Variants in PLD5 observed in about 807,000 individuals in gnomAD.
The protein encoded by PLD5 is phospholipase D family member 5.
In PLD5, 36 loss-of-function variants were observed where a neutral mutation model predicts 61.1. The observed-to-expected ratio is 0.59, with a 90% CI of 0.45 to 0.78. The LOEUF (loss-of-function observed/expected upper bound fraction) is 0.78, where lower values mean the gene tolerates loss of function less well. Among genes scored for constraint, PLD5 ranks in the 30% least tolerant of loss-of-function variants. The pLI is 0.00. For synonymous variants in PLD5, 243 were observed against 242.8 expected (o/e 1.00, Z -0.01); for missense variants, 515 against 644.4 (o/e 0.80, Z 2.17).
At chr1:242,440,597 T>C (rs1490511411) in intron 1 of PLD5, among the ~76,000 whole-genome samples, 1 of 152,226 alleles carries the variant, frequency 6.6e-6, no homozygotes, top group Non-Finnish European at 1.5e-5. Flanking sequence ...CAAAATTGTA[T>C]AGAGTGTCCT....
chr1:242,482,268 G>C (rs1437108285), intron 1 of PLD5, among the ~76,000 whole-genome samples: 2 of 152,106 alleles, frequency 1.3e-5, no homozygotes, highest in Non-Finnish European at 2.9e-5. Flanking sequence ...CCAACCTAAA[G>C]GAGCAAGTTC....
intron 2 of PLD5, among the ~76,000 whole-genome samples, chr1:242,299,616 T>C (rs1675912656): frequency 6.6e-6 from 1 of 152,210 alleles, no homozygotes; most frequent in African/African-American, 2.4e-5. Context: ...TCTGGGTGTT[T>C]TTCCCCCCAA....
chr1:242,162,564 C>T (rs778180734), intron 5 of PLD5, among the ~76,000 whole-genome samples: 6 of 152,078 alleles, frequency 3.9e-5, no homozygotes, highest in Non-Finnish European at 8.8e-5. Flanking sequence ...GTCCTGCAGA[C>T]AACCTTAATG....
intron 7 of PLD5, among the ~76,000 whole-genome samples, chr1:242,110,626 A>G (rs893213837): frequency 6.6e-6 from 1 of 152,168 alleles, no homozygotes; most frequent in African/African-American, 2.4e-5. Flanking sequence ...CCTGGCCAAC[A>G]TGGTGAAACC....
chr1:242,254,002 A>G (rs948677643), intron 4 of PLD5, among the ~76,000 whole-genome samples: 1 of 152,246 alleles, frequency 6.6e-6, no homozygotes, highest in Non-Finnish European at 1.5e-5. Context: ...ATTCCAATAC[A>G]AACTGAAGCC....
intron 1 of PLD5, among the ~76,000 whole-genome samples, chr1:242,513,730 T>G (rs1161474735): frequency 6.6e-6 from 1 of 152,196 alleles, no homozygotes; most frequent in East Asian, 1.9e-4. Flanking sequence ...ATGGTGTGGG[T>G]CCAAGATACA....
intron 8 of PLD5, among the ~76,000 whole-genome samples, chr1:242,103,732 G>A (rs1159463165): frequency 1.3e-5 from 2 of 152,102 alleles, no homozygotes; most frequent in African/African-American, 2.4e-5. Flanking sequence ...TGAAAATCTG[G>A]CCTGGAAAAC....
chr1:242,296,111 A>T (rs962454033), intron 2 of PLD5, among the ~76,000 whole-genome samples: 2 of 152,184 alleles, frequency 1.3e-5, no homozygotes, highest in African/African-American at 4.8e-5. Context: ...AATCTCAGTG[A>T]CATGCTGTGC....
At chr1:242,224,381 A>G (rs1302030167) in intron 4 of PLD5, among the ~76,000 whole-genome samples, 1 of 152,194 alleles carries the variant, frequency 6.6e-6, no homozygotes, top group Admixed American at 6.5e-5. Context: ...TTTTTTAAAA[A>G]TATATAGAAT....
intron 1 of PLD5, among the ~76,000 whole-genome samples, chr1:242,519,383 G>T (rs2654902): frequency 0.35 from 53,559 of 151,986 alleles, 9,659 homozygotes; most frequent in Admixed American, 0.39. Flanking sequence ...TTAAGTAGGT[G>T]CAAATTCACA....
At chr1:242,144,851 T>C (rs1664438300) in intron 5 of PLD5, among the ~76,000 whole-genome samples, 1 of 152,078 alleles carries the variant, frequency 6.6e-6, no homozygotes, top group African/African-American at 2.4e-5. Flanking sequence ...AGTGGGTGGC[T>C]TGAGTGAACA....
intron 5 of PLD5, chr1:242,147,504 T>C (rs1041792328): frequency 6.6e-6 from 1 of 152,166 alleles, no homozygotes; most frequent in African/African-American, 2.4e-5. Flanking sequence ...GAGGATGTAG[T>C]TTTCATTTCA....
At chr1:242,196,013 C>A (rs1668618600) in intron 5 of PLD5, among the ~76,000 whole-genome samples, 1 of 152,062 alleles carries the variant, frequency 6.6e-6, no homozygotes, top group Non-Finnish European at 1.5e-5. Context: ...TAAATGAGAA[C>A]CAGGCAGGCT....
At chr1:242,224,906 C>T (rs1670828635) in intron 4 of PLD5, among the ~76,000 whole-genome samples, 1 of 152,106 alleles carries the variant, frequency 6.6e-6, no homozygotes, top group African/African-American at 2.4e-5. Flanking sequence ...GTCGTGTGAC[C>T]ATCACCGCAA....
intron 1 of PLD5, among the ~76,000 whole-genome samples, chr1:242,410,165 T>G (rs1272472962): frequency 6.6e-6 from 1 of 152,132 alleles, no homozygotes; most frequent in Non-Finnish European, 1.5e-5. Flanking sequence ...GGGTATCAAA[T>G]GGGGAACAGC....
rs1414764000 is a variant in PLD5, at chr1:242,090,022, GCTT to G, written c.1440_1442del (p.Arg480del). The stretch of plus-strand genomic sequence containing the variant: ...ACACATCTTTAAGTTGCTTAATGAT[GCTT>G]CTGTTGTTCCTCACATCTGCCTGGT... On this transcript the variant is annotated inframe_deletion, in exon 10 of 10. Transcript: ENST00000536534. 1.2e-6 allele frequency: 2 copies of G among 1,614,076 alleles called. No homozygotes were observed. The highest frequency in any genetic ancestry group is 1.7e-5 in the Admixed American group (1 of 60,006).
intron 1 of PLD5, among the ~76,000 whole-genome samples, chr1:242,513,860 A>G (rs1669015777): frequency 6.6e-6 from 1 of 152,244 alleles, no homozygotes; most frequent in Admixed American, 6.5e-5. Context: ...TCCTGAATGA[A>G]TGAGCTTGCT....
At chr1:242,346,283 A>T (rs1043763705) in intron 2 of PLD5, among the ~76,000 whole-genome samples, 3 of 152,062 alleles carry the variant, frequency 2.0e-5, no homozygotes, top group Admixed American at 6.6e-5. Flanking sequence ...TGAAAAAAAA[A>T]TGACCTTTTG....
chr1:242,290,310 T>C (rs1398971192), intron 2 of PLD5, among the ~76,000 whole-genome samples: 3 of 143,210 alleles, frequency 2.1e-5, no homozygotes, highest in East Asian at 4.2e-4. Context: ...TCTTCAAAGA[T>C]GAAAATTTTT....
Sources: allele counts gnomAD v4.1 joint callset (sites outside exome capture counted in the v4.1 genomes callset), GRCh38; gene constraint gnomAD v4.1.1; transcripts MANE v1.5; gene names NCBI Gene and HGNC (gene_info 2026-07-23, HGNC 2026-07-21).